Variants in NAA20 observed in about 807,000 individuals in gnomAD.
NAA20 encodes N-alpha-acetyltransferase 20, NatB catalytic subunit, also known as N-alpha-acetyltransferase 20.
NAA20 carries 24 observed loss-of-function variants against 23.8 expected under a neutral mutation model. The ratio of observed to expected loss-of-function variants is 1.01; its 90% CI spans 0.73 to 1.42. The LOEUF is 1.42. NAA20 is among the 40% of genes most tolerant of loss of function. The pLI is 0.00. For missense variants in NAA20, 166 were observed against 223.1 expected (o/e 0.74, Z 1.63); for synonymous variants, 83 against 77.7 (o/e 1.07, Z -0.36).
intron 2 of NAA20, among the ~76,000 whole-genome samples, chr20:20,023,344 G>T (rs2043285218): frequency 6.6e-6 from 1 of 152,042 alleles, no homozygotes; most frequent in Admixed American, 6.6e-5. Context: ...GTACCTTTGG[G>T]AAATGCCACA....
chr20:20,021,117 C>T (rs1171265315), intron 1 of NAA20, among the ~76,000 whole-genome samples: 1 of 147,398 alleles, frequency 6.8e-6, no homozygotes, highest in Non-Finnish European at 1.5e-5. Flanking sequence ...CCTGAGATGG[C>T]GGGGCTGGAG....
chr20:20,022,599 A>G (rs2043277706), intron 2 of NAA20, 119 bp downstream of exon 2: 2 of 805,834 alleles, frequency 2.5e-6, no homozygotes, highest in Non-Finnish European at 3.7e-6. Flanking sequence ...GTCAGGAAAC[A>G]TCATAAGCAA....
intron 1 of NAA20, 73 bp downstream of exon 1, chr20:20,017,522 A>G (rs879852548): frequency 2.1e-4 from 321 of 1,538,010 alleles, no homozygotes; most frequent in Non-Finnish European, 2.7e-4. Context: ...CTCCGGCCCC[A>G]GCCGCGCCTT....
intron 4 of NAA20, among the ~76,000 whole-genome samples, chr20:20,029,259 TA>T (rs1461632012): frequency 6.6e-6 from 1 of 152,126 alleles, no homozygotes; most frequent in Non-Finnish European, 1.5e-5. Flanking sequence ...TAATAATAGT[TA>T]TAGTTGAATA....
At chr20:20,017,300 C>CG, upstream of NAA20, 1 of 1,514,898 alleles carries the variant, frequency 6.6e-7, no homozygotes, top group Non-Finnish European at 9.0e-7. Context: ...AGCAGTACCC[C>CG]GTCTCGCTCG....
intron 4 of NAA20, among the ~76,000 whole-genome samples, chr20:20,031,149 G>C (rs1388562340): frequency 6.6e-6 from 1 of 152,142 alleles, no homozygotes; most frequent in Non-Finnish European, 1.5e-5. Flanking sequence ...GAGCAAAAAA[G>C]AGACAAGATA....
chr20:20,017,334 G>C (rs2043237704), upstream of NAA20: 1 of 1,601,902 alleles, frequency 6.2e-7, no homozygotes, highest in Non-Finnish European at 8.5e-7. Context: ...CACGCTCCGG[G>C]AGACTTCCGG....
intron 1 of NAA20, among the ~76,000 whole-genome samples, chr20:20,021,497 T>C (rs1160113614): frequency 6.6e-6 from 1 of 152,216 alleles, no homozygotes; most frequent in Admixed American, 6.5e-5. Flanking sequence ...TTCGGAAGTA[T>C]AGTGATTTTT....
chr20:20,018,072 T>C (rs1438718377), intron 1 of NAA20: 1 of 1,614,012 alleles, frequency 6.2e-7, no homozygotes, highest in African/African-American at 1.3e-5. Flanking sequence ...TTACTGTAGC[T>C]GCGCACCCCG....
chr20:20,022,500 A>C lies in NAA20; in HGVS notation c.78+20A>C. The C allele has an allele frequency of 6.5e-7, 1 of 1,543,962 alleles. No individual in the cohort carries two copies. The highest frequency in any genetic ancestry group is 8.7e-7 in the Non-Finnish European group (1 of 1,144,920). On this transcript the variant is annotated intron_variant, in intron 2 of 5. Coordinates refer to ENST00000334982, the MANE Select transcript of NAA20 (RefSeq NM_016100.5). The stretch of plus-strand genomic sequence containing the variant: ...GAAACTGTATCCTTTTTTACAAAAA[A>C]AAAAAAGTTGAATGAAGATTTACTG...
chr20:20,018,341 T>C (rs913848360), intron 1 of NAA20: 1 of 471,478 alleles, frequency 2.1e-6, no homozygotes, highest in African/African-American at 2.0e-5. Context: ...CTGGTATCTC[T>C]CCTTCCTTCC....
At chr20:20,018,853 A>C (rs2043249340) in intron 1 of NAA20, 1 of 984,052 alleles carries the variant, frequency 1.0e-6, no homozygotes, top group Admixed American at 6.1e-5. Flanking sequence ...TGGCAAGCAC[A>C]AGTGAATTGG....
rs527531878 is a variant in NAA20 at position 20,030,358 on chromosome 20, A to AGT, written c.306-2150_306-2149insGT. 3.8e-3 allele frequency among the ~76,000 whole-genome samples: 579 copies of AGT among 152,344 alleles called. 9 individuals are homozygous for AGT. The East Asian group carries it at 0.05, about 13-fold the overall frequency. On this transcript the variant is annotated intron_variant, in intron 4 of 5. Coordinates refer to ENST00000334982, the MANE Select transcript of NAA20 (RefSeq NM_016100.5). The stretch of plus-strand genomic sequence containing the variant: ...AAGTGCAGCAAACTTGATAAAATCC[A>AGT]ATATTCCTTCCTGATAAAAACTGTT...
In NAA20 at chr20:20,022,463, G is replaced by T; in HGVS notation, c.61G>T (p.Asp21Tyr). ...TTCTCTTGTTTCTTTCAGTAACTTG[G>T]ATCCACTTACAGAAACTGTATCCTT... The part of the protein sequence containing the change: ...DLFRFNNINL[D>Y]PLTETYGIPF... The change falls in exon 2 of 6, where the codon GAT (aspartate) becomes TAT (tyrosine). Residue 21 changes from aspartate to tyrosine, a missense_variant. Physicochemically the swap from Asp to Tyr is radical, Grantham distance 160. Transcript: ENST00000334982. The T allele has an allele frequency of 1.3e-6, 2 of 1,584,840 alleles. No individual in the cohort carries two copies. Among genetic ancestry groups the T allele is most frequent in the Non-Finnish European group, 1.7e-6 (2 of 1,169,184 alleles).
chr20:20,032,083 C>G (rs1010149037), intron 4 of NAA20, among the ~76,000 whole-genome samples: 1 of 148,770 alleles, frequency 6.7e-6, no homozygotes, highest in African/African-American at 2.6e-5. Flanking sequence ...TCAACAGGAC[C>G]GTGAATGACT....
chr20:20,028,473 A>T (rs1268620769), intron 4 of NAA20, among the ~76,000 whole-genome samples: 1 of 152,132 alleles, frequency 6.6e-6, no homozygotes, highest in Non-Finnish European at 1.5e-5. Context: ...GTATCCCAGA[A>T]CTTAAAGTAT....
chr20:20,017,491 C>T, intron 1 of NAA20, 42 bp downstream of exon 1: 2 of 1,556,680 alleles, frequency 1.3e-6, no homozygotes, highest in Non-Finnish European at 1.7e-6. Context: ...TTGGCCGGGC[C>T]TCGCTTCCCG....
chr20:20,022,506 A>T, intron 2 of NAA20, 26 bp downstream of exon 2: 7 of 1,505,564 alleles, frequency 4.6e-6, no homozygotes, highest in Non-Finnish European at 5.4e-6. Context: ...AAAAAAAAAA[A>T]GTTGAATGAA....
rs768029717 is a variant in NAA20 at position 20,026,853 on chromosome 20, C to G, written c.239C>G (p.Ala80Gly). The change falls in exon 4 of 6, where the codon GCC becomes GGC. Residue 80 changes from alanine (A) to glycine (G), a missense_variant. By Grantham distance (60) the Ala-to-Gly change is moderately conservative (BLOSUM62 0). Transcript: ENST00000334982. ...GGGCACGTCACAGCTCTGTCTGTTG[C>G]CCCAGAATTTCGACGCCTTGGTTTG... ...WHGHVTALSV[A>G]PEFRRLGLAA... 6 of 1,614,126 alleles carry G rather than the reference C, an allele frequency of 3.7e-6. No individual in the cohort carries two copies. The South Asian group carries it at 4.4e-5, about 12-fold the overall frequency.
Sources: allele counts gnomAD v4.1 joint callset (sites outside exome capture counted in the v4.1 genomes callset), GRCh38; gene constraint gnomAD v4.1.1; transcripts MANE v1.5; gene names NCBI Gene and HGNC (gene_info 2026-07-23, HGNC 2026-07-21).